DOCK1: variants seen among roughly 807,000 people sequenced by gnomAD.
DOCK1 encodes the protein dedicator of cytokinesis 1.
In DOCK1, 138 loss-of-function variants were observed where a neutral mutation model predicts 262.7. The ratio of observed to expected loss-of-function variants is 0.53; its 90% confidence interval spans 0.46 to 0.61. The LOEUF is 0.61. Ranked by LOEUF, DOCK1 falls within the 20% of genes least tolerant of loss-of-function variation. DOCK1 has a pLI of 0.00. For synonymous variants in DOCK1, 866 were observed against 867.4 expected, an observed-to-expected ratio of 1.00 and a Z score of 0.03; for missense variants, 1,908 against 2,370.7, an observed-to-expected ratio of 0.80 and a Z score of 4.05.
rs568479788 is a variant in DOCK1 at position 127,031,244 on chromosome 10, C to T, written c.1625-406C>T. On this transcript the variant is annotated intron_variant, in intron 16 of 51. Coordinates refer to ENST00000623213, the MANE Select transcript of DOCK1 (RefSeq NM_001290223.2). ...CCCTGTTGATTTCCGCTGGTCTGGG[C>T]GTCTTAGGTTGAAAGCACACAGTCT... 1.1e-3 allele frequency among the ~76,000 whole-genome samples: 165 copies of T among 152,286 alleles called. 1 individual carries two copies. The highest frequency in any genetic ancestry group is 3.8e-3 in the African/African-American group (156 of 41,566).
At chr10:127,297,459 G>C (rs2061540932) in intron 29 of DOCK1, among the ~76,000 whole-genome samples, 1 of 152,220 alleles carries the variant, frequency 6.6e-6, no homozygotes, top group Admixed American at 6.5e-5. Context: ...TCTTGATGGA[G>C]GGAGGGAGAA....
intron 16 of DOCK1, 22 bp downstream of exon 16, chr10:127,026,446 TC>T (rs1564743146): frequency 6.4e-7 from 1 of 1,564,178 alleles, no homozygotes; most frequent in Non-Finnish European, 8.7e-7. Context: ...AGCACTTTCT[TC>T]CCCCAAGTAT....
chr10:127,043,524 TAAG>T (rs2044156195), intron 21 of DOCK1, among the ~76,000 whole-genome samples: 1 of 152,264 alleles, frequency 6.6e-6, no homozygotes, highest in Admixed American at 6.5e-5. Context: ...GTTCCCGTGT[TAAG>T]GAGATTGGTT....
intron 48 of DOCK1, among the ~76,000 whole-genome samples, chr10:127,435,401 T>A (rs754452928): frequency 6.6e-6 from 1 of 152,160 alleles, no homozygotes; most frequent in African/African-American, 2.4e-5. Context: ...TGCCAACGAC[T>A]GATGTGCCCG....
At chr10:127,384,642 C>T in intron 37 of DOCK1, 148 bp from the exon 38 acceptor site, 1 of 983,028 alleles carries the variant, frequency 1.0e-6, no homozygotes, top group Non-Finnish European at 1.4e-6. Context: ...GACAGAGGCT[C>T]TGCCCTGGCA....
At chr10:127,429,303 C>G (rs947962923) in intron 47 of DOCK1, among the ~76,000 whole-genome samples, 1 of 152,076 alleles carries the variant, frequency 6.6e-6, no homozygotes, top group East Asian at 1.9e-4. Context: ...CCTGCTCCAT[C>G]CTTTGACCGC....
chr10:127,360,897 G>C (rs2064387807), intron 32 of DOCK1, among the ~76,000 whole-genome samples: 1 of 152,122 alleles, frequency 6.6e-6, no homozygotes, highest in East Asian at 1.9e-4. Context: ...TGTTTAACAG[G>C]TTAAGAAGGT....
intron 18 of DOCK1, among the ~76,000 whole-genome samples, chr10:127,035,468 CAAG>C (rs2043531687): frequency 6.6e-6 from 1 of 152,148 alleles, no homozygotes; most frequent in African/African-American, 2.4e-5. Flanking sequence ...GGGGGCTGGA[CAAG>C]CCCTGTTTTC....
intron 1 of DOCK1, among the ~76,000 whole-genome samples, chr10:126,940,485 C>G (rs1314849580): frequency 6.6e-6 from 1 of 152,146 alleles, no homozygotes; most frequent in Non-Finnish European, 1.5e-5. Context: ...CTCACTGCAA[C>G]CTCTGCCTCC....
chr10:127,068,831 A>G (rs907570383), intron 23 of DOCK1, among the ~76,000 whole-genome samples: 1 of 152,116 alleles, frequency 6.6e-6, no homozygotes, highest in African/African-American at 2.4e-5. Flanking sequence ...ACAGTGTTGC[A>G]TTTTTCTGTA....
chr10:127,030,662 G>T (rs2043173011), intron 16 of DOCK1, among the ~76,000 whole-genome samples: 1 of 152,088 alleles, frequency 6.6e-6, no homozygotes, highest in Non-Finnish European at 1.5e-5. Context: ...AGTACCTGTT[G>T]GGCACCAGGC....
At chr10:126,989,883 C>T (rs2039671106) in intron 5 of DOCK1, among the ~76,000 whole-genome samples, 1 of 152,132 alleles carries the variant, frequency 6.6e-6, no homozygotes, top group Non-Finnish European at 1.5e-5. Flanking sequence ...GAGATTTGGC[C>T]TCTTGCAGAA....
chr10:126,916,242 G>C (rs1484416455), intron 1 of DOCK1, among the ~76,000 whole-genome samples: 2 of 152,192 alleles, frequency 1.3e-5, no homozygotes, highest in East Asian at 1.9e-4. Context: ...GTGTGGAAGA[G>C]CTTTGAGAAG....
chr10:127,305,735 A>G (rs573792968), intron 29 of DOCK1, among the ~76,000 whole-genome samples: 1 of 152,362 alleles, frequency 6.6e-6, no homozygotes, highest in South Asian at 2.1e-4. Flanking sequence ...AAGCACAGCT[A>G]AGAGAATTGA....
At chr10:127,347,564 G>C (rs2063690687) in intron 31 of DOCK1, among the ~76,000 whole-genome samples, 1 of 152,090 alleles carries the variant, frequency 6.6e-6, no homozygotes. Flanking sequence ...GTGTAAGGGA[G>C]CAGCTTGGAG....
At chr10:126,970,815 T>TAG in intron 2 of DOCK1, 30 bp downstream of exon 2, 1 of 1,604,692 alleles carries the variant, frequency 6.2e-7, no homozygotes, top group Non-Finnish European at 8.5e-7. Context: ...TCTTTTCTCT[T>TAG]ACATTTTGGG....
chr10:127,260,878 T>TGC (rs2060024423), intron 29 of DOCK1, among the ~76,000 whole-genome samples: 1 of 146,968 alleles, frequency 6.8e-6, no homozygotes, highest in South Asian at 2.2e-4. Flanking sequence ...TGCATGTGTG[T>TGC]GTGTGTGTAC....
chr10:126,975,715 C>G (rs2038479364), intron 2 of DOCK1, among the ~76,000 whole-genome samples: 1 of 151,530 alleles, frequency 6.6e-6, no homozygotes, highest in Admixed American at 6.6e-5. Flanking sequence ...ACCTCTGCCT[C>G]CCTGGTTCAG....
rs543057757 is a variant in DOCK1 at position 127,437,889 on chromosome 10, A to C, written c.5061-1138A>C. ...GAAAATATGACTGGCTGGCTAAATTATCTTCTCTTGAAATCATGCTCCCCT... is the reference window on the plus strand; with the variant it reads ...GAAAATATGACTGGCTGGCTAAATTCTCTTCTCTTGAAATCATGCTCCCCT... On this transcript the variant is annotated intron_variant, in intron 48 of 51. Coordinates refer to ENST00000623213, the MANE Select transcript of DOCK1 (RefSeq NM_001290223.2). This position sits in a 1 kb window ranked among gnomAD's most constrained non-coding sequence, Gnocchi z 4.4. 1.4e-4 allele frequency among the ~76,000 whole-genome samples: 22 copies of C among 152,350 alleles called. No homozygotes were observed. Among genetic ancestry groups the C allele is most frequent in the African/African-American group, 4.8e-4 (20 of 41,590 alleles).
Sources: allele counts gnomAD v4.1 joint callset (sites outside exome capture counted in the v4.1 genomes callset), GRCh38; gene constraint gnomAD v4.1.1; non-coding constraint Gnocchi (gnomAD v3.1); transcripts MANE v1.5; gene names NCBI Gene and HGNC (gene_info 2026-07-23, HGNC 2026-07-21).